The following TMEM131 variants were observed in gnomAD, a reference collection of about 807,000 sequenced individuals.
TMEM131 encodes 2610524E03Rik.
TMEM131 carries 66 observed loss-of-function variants against 211.6 expected under a neutral mutation model. The observed-to-expected ratio is 0.31, with a 90% CI of 0.26 to 0.38. TMEM131 has a LOEUF of 0.38. Among genes scored for constraint, TMEM131 ranks in the 10% least tolerant of loss-of-function variants. The probability of loss-of-function intolerance (pLI) is 1.00; values close to 1 mark genes in which losing one functional copy is unlikely to be tolerated. For synonymous variants in TMEM131, 844 were observed against 841.3 expected (o/e 1.00, Z -0.06); for missense variants, 2,036 against 2,299.3 (o/e 0.89, Z 2.34).
intron 4 of TMEM131, among the ~76,000 whole-genome samples, chr2:97,879,389 T>C (rs1237281181): frequency 6.6e-6 from 1 of 152,232 alleles, no homozygotes; most frequent in Non-Finnish European, 1.5e-5. Flanking sequence ...AGTATTCCAA[T>C]ATATTATCAT....
chr2:97,799,376 A>G (rs1006542213), intron 25 of TMEM131, among the ~76,000 whole-genome samples: 9 of 152,230 alleles, frequency 5.9e-5, no homozygotes, highest in Non-Finnish European at 1.3e-4. Context: ...GTATTTCTAC[A>G]GCTACCATGT....
intron 4 of TMEM131, among the ~76,000 whole-genome samples, chr2:97,860,483 T>C (rs918143577): frequency 6.6e-6 from 1 of 152,220 alleles, no homozygotes; most frequent in Non-Finnish European, 1.5e-5. Context: ...ATTTAAAGTA[T>C]GCATATAAAC....
chr2:97,841,569 A>C (rs2105097619), intron 7 of TMEM131, among the ~76,000 whole-genome samples: 1 of 152,312 alleles, frequency 6.6e-6, no homozygotes, highest in East Asian at 1.9e-4. Flanking sequence ...AACACCAGAG[A>C]AGACACAGTC....
At chr2:97,975,925 A>G (rs1440342854) in intron 1 of TMEM131, among the ~76,000 whole-genome samples, 2 of 152,170 alleles carry the variant, frequency 1.3e-5, no homozygotes, top group African/African-American at 4.8e-5. Context: ...ACCTATCATG[A>G]CCAAGAAAAA....
Position 97,812,552 on chromosome 2 carries a change from C to A in TMEM131, c.1732G>T (p.Ala578Ser). 1 of 1,596,840 alleles carries A rather than the reference C, an allele frequency of 6.3e-7. No individual in the cohort carries two copies. Among genetic ancestry groups the A allele is most frequent in the Non-Finnish European group, 8.5e-7 (1 of 1,174,928 alleles). ...AIINSNPIELAIKSWHIIGDG... is the reference protein window; with the variant it reads ...AIINSNPIELSIKSWHIIGDG... Reference sequence around the variant, plus strand: ...CCTATGATATGCCAACTTTTTATAGCCAACTTTAAAAAAAGATATGAAAAT... The same window carrying A: ...CCTATGATATGCCAACTTTTTATAGACAACTTTAAAAAAAGATATGAAAAT... The change falls in exon 17 of 41, where the codon GCT becomes TCT. Residue 578 changes from alanine to serine, a missense_variant. By Grantham distance (99) the Ala-to-Ser change is moderately conservative (BLOSUM62 1). Transcript: ENST00000186436.
chr2:97,824,075 G>A (rs1425603711), intron 11 of TMEM131, among the ~76,000 whole-genome samples: 2 of 152,300 alleles, frequency 1.3e-5, no homozygotes, highest in African/African-American at 4.8e-5. Context: ...AAAGAAAATT[G>A]AGCAGGCCAA....
intron 11 of TMEM131, among the ~76,000 whole-genome samples, chr2:97,832,757 A>G (rs1682767791): frequency 6.6e-6 from 1 of 152,152 alleles, no homozygotes; most frequent in African/African-American, 2.4e-5. Flanking sequence ...CCAAGGCAAA[A>G]CTTAGATATC....
chr2:97,847,162 C>T (rs1180965489), intron 5 of TMEM131, among the ~76,000 whole-genome samples: 1 of 149,236 alleles, frequency 6.7e-6, no homozygotes, highest in African/African-American at 2.5e-5. Context: ...GCACTCCAGC[C>T]TGGTGACAGA....
intron 32 of TMEM131, among the ~76,000 whole-genome samples, chr2:97,772,724 T>C (rs959119363): frequency 6.6e-6 from 1 of 152,114 alleles, no homozygotes; most frequent in African/African-American, 2.4e-5. Flanking sequence ...GGTAAAACCC[T>C]GTCTCTACTA....
chr2:97,790,461 C>T (rs1214156516), intron 31 of TMEM131, among the ~76,000 whole-genome samples: 1 of 152,142 alleles, frequency 6.6e-6, no homozygotes, highest in African/African-American at 2.4e-5. Flanking sequence ...CATCCATGCT[C>T]CCTCACTGAG....
intron 33 of TMEM131, among the ~76,000 whole-genome samples, chr2:97,767,618 G>A (rs1679235775): frequency 6.6e-6 from 1 of 152,230 alleles, no homozygotes; most frequent in African/African-American, 2.4e-5. Context: ...TCTCTACAGA[G>A]CTCCTGGTGA....
chr2:97,832,855 G>A (rs1341941814), intron 11 of TMEM131, among the ~76,000 whole-genome samples: 1 of 152,074 alleles, frequency 6.6e-6, no homozygotes, highest in African/African-American at 2.4e-5. Flanking sequence ...AGGGAGAGAG[G>A]GCCTTAGTTT....
intron 31 of TMEM131, among the ~76,000 whole-genome samples, chr2:97,781,247 G>A (rs1679987241): frequency 6.6e-6 from 1 of 152,196 alleles, no homozygotes; most frequent in South Asian, 2.1e-4. Flanking sequence ...CCCAGCACGT[G>A]GCAAGTGCTC....
rs760984604 is a variant in TMEM131 at position 97,793,002 on chromosome 2, T to A, written c.3546-18A>T. The stretch of plus-strand genomic sequence containing the variant: ...TGTTCAAGCTGAAAAAGGGACCAAC[T>A]GCAGATCAGTAAATAGCAACCTACA... On this transcript the variant is annotated intron_variant, in intron 30 of 40. Transcript: ENST00000186436. 1 of 1,482,542 alleles carries A rather than the reference T, an allele frequency of 6.7e-7. No individual in the cohort carries two copies. The highest frequency in any genetic ancestry group is 2.4e-5 in the Admixed American group (1 of 41,822). The allele number at this position is 1,482,542 out of a possible 1,614,324, so 91.8% of individuals were successfully genotyped here.
Position 97,833,371 on chromosome 2 carries a change from T to A in TMEM131, c.1068A>T (p.Pro356=), listed in dbSNP as rs1682794838. The part of the protein sequence containing the change: ...HLLNSGTKDV[P]ITSVRPTPQN... ...AAAAGAAGTAAAAACTTACTGTTAT[T>A]GGTACATCTTTTGTTCCTGAATTTA... is the stretch of plus-strand genomic sequence containing the variant. Residue 356 remains proline, a synonymous_variant, in exon 11 of 41, where the codon CCA becomes CCT. Transcript: ENST00000186436. 1 of 1,295,298 alleles carries A rather than the reference T, an allele frequency of 7.7e-7. No homozygotes were observed. The highest frequency in any genetic ancestry group is 2.4e-5 in the East Asian group (1 of 40,902). 80.2% of individuals were successfully genotyped at this position (1,295,298 alleles called of 1,614,324 possible). A position where few individuals can be genotyped will look rare whatever the true frequency, so the allele number is the denominator to read the frequency against.
At chr2:97,816,302 T>C (rs545128919) in intron 12 of TMEM131, among the ~76,000 whole-genome samples, 5 of 151,990 alleles carry the variant, frequency 3.3e-5, no homozygotes, top group South Asian at 2.1e-4. Context: ...GATTGCGCCA[T>C]TGCACTCCAG....
At chr2:97,964,236 T>C (rs1315370866) in intron 1 of TMEM131, among the ~76,000 whole-genome samples, 7 of 152,244 alleles carry the variant, frequency 4.6e-5, no homozygotes, top group African/African-American at 7.2e-5. Context: ...AAAATACTGC[T>C]GTAATACAAT....
chr2:97,891,180 A>C (rs1233124942), intron 3 of TMEM131, among the ~76,000 whole-genome samples: 1 of 152,242 alleles, frequency 6.6e-6, no homozygotes, highest in African/African-American at 2.4e-5. Context: ...GTAATATTGA[A>C]AAACAAACTA....
At chr2:97,811,307 G>A in intron 17 of TMEM131, 75 bp from the exon 18 acceptor site, 8 of 1,097,358 alleles carry the variant, frequency 7.3e-6, no homozygotes, top group Admixed American at 3.4e-5. Context: ...CATGAAGGGT[G>A]TAGCGATAAA....
Sources: gnomAD v4.1 joint callset for allele counts (sites outside exome capture counted in the v4.1 genomes callset) on GRCh38, gnomAD v4.1.1 for gene constraint, MANE v1.5 for transcripts, NCBI Gene and HGNC (gene_info 2026-07-23, HGNC 2026-07-21) for gene names.